DPP10: variants seen among roughly 807,000 people sequenced by gnomAD.
DPP10 encodes inactive dipeptidyl peptidase 10.
DPP10 carries 33 observed loss-of-function variants against 120.9 expected under a neutral mutation model. That is an observed-to-expected ratio of 0.27 (90% CI 0.21 to 0.37). DPP10 has a LOEUF of 0.37. Among genes scored for constraint, DPP10 ranks in the 10% least tolerant of loss-of-function variants. The pLI is 1.00. For synonymous variants in DPP10, 337 were observed against 326.1 expected (o/e 1.03, Z -0.36); for missense variants, 816 against 942.8 (o/e 0.87, Z 1.76).
chr2:115,378,074 T>C (rs1323106714), intron 3 of DPP10, among the ~76,000 whole-genome samples: 1 of 152,156 alleles, frequency 6.6e-6, no homozygotes, highest in Non-Finnish European at 1.5e-5. Context: ...AAGTAGTTTT[T>C]TCCAATTCTG....
In DPP10 at chr2:114,490,135, G is replaced by A. The variant is rs376252789; in HGVS notation, c.60+47297G>A. Among the ~76,000 whole-genome samples the A allele has an allele frequency of 5.9e-5, 9 of 152,214 alleles. No homozygotes were observed. The East Asian group carries it at 9.7e-4, about 16-fold the overall frequency. On this transcript the variant is annotated intron_variant, in intron 1 of 25. Coordinates refer to ENST00000410059, the MANE Select transcript of DPP10 (RefSeq NM_020868.6). ...GCACGGTAGGACCTATGTTTTCCTC[G>A]AAGGGTTAATTTCTCATTCTCTGGC... is the stretch of plus-strand genomic sequence containing the variant.
intron 3 of DPP10, among the ~76,000 whole-genome samples, chr2:115,466,305 C>T (rs2074322477): frequency 6.6e-6 from 1 of 152,084 alleles, no homozygotes; most frequent in Non-Finnish European, 1.5e-5. Flanking sequence ...TATCACAGAT[C>T]CCATAATTTG....
At chr2:114,468,714 G>A (rs1056545811) in intron 1 of DPP10, among the ~76,000 whole-genome samples, 1 of 152,132 alleles carries the variant, frequency 6.6e-6, no homozygotes, top group Non-Finnish European at 1.5e-5. Flanking sequence ...ACTGCATCTT[G>A]AATGCTGCTT....
At chr2:115,517,885 G>A (rs116521877) in intron 4 of DPP10, among the ~76,000 whole-genome samples, 25 of 152,254 alleles carry the variant, frequency 1.6e-4, no homozygotes, top group African/African-American at 5.8e-4. Flanking sequence ...GGTAATTTAC[G>A]TAAAAGATGT....
Position 115,843,555 on chromosome 2 carries a change from T to C in DPP10, c.*1210T>C, listed in dbSNP as rs1690358702. On this transcript the variant is annotated 3_prime_UTR_variant, in exon 26 of 26. Transcript: ENST00000410059. ...TCTGGTGAGAATTAGAAATGAAATA[T>C]TTTTTATTCATTGGCCAAAAAGTTC... 6.6e-6 allele frequency: 1 copy of C among 152,182 alleles called. No homozygotes were observed. Among genetic ancestry groups the C allele is most frequent in the South Asian group, 2.1e-4 (1 of 4,826 alleles). The allele number at this position is 152,182 out of a possible 1,614,324, so 9.4% of individuals were successfully genotyped here. A position where few individuals can be genotyped will look rare whatever the true frequency, so the allele number is the denominator to read the frequency against.
At chr2:114,743,459 A>G (rs1279728321) in intron 1 of DPP10, among the ~76,000 whole-genome samples, 1 of 151,910 alleles carries the variant, frequency 6.6e-6, no homozygotes, top group Non-Finnish European at 1.5e-5. Flanking sequence ...AAGAATATGG[A>G]TAAAGGCAGG....
chr2:115,329,893 A>G (rs983253707), intron 2 of DPP10, among the ~76,000 whole-genome samples: 1 of 152,128 alleles, frequency 6.6e-6, no homozygotes, highest in Non-Finnish European at 1.5e-5. Flanking sequence ...GCTGCAGTAA[A>G]CATATGTGTG....
chr2:115,306,524 T>C (rs1376646045), intron 1 of DPP10, among the ~76,000 whole-genome samples: 1 of 152,088 alleles, frequency 6.6e-6, no homozygotes, highest in East Asian at 1.9e-4. Flanking sequence ...CTTTAGCCAG[T>C]GTAGGGATGT....
chr2:115,256,053 C>G (rs2058972367), intron 1 of DPP10, among the ~76,000 whole-genome samples: 2 of 152,148 alleles, frequency 1.3e-5, no homozygotes, highest in African/African-American at 2.4e-5. Flanking sequence ...GTAGTTTGTT[C>G]TCATGCTGCT....
intron 11 of DPP10, among the ~76,000 whole-genome samples, chr2:115,759,570 G>A (rs1310383671): frequency 6.6e-6 from 1 of 152,024 alleles, no homozygotes; most frequent in Non-Finnish European, 1.5e-5. Flanking sequence ...TTGCAAGTGG[G>A]AATGTAAAAT....
At chr2:115,432,662 TG>T (rs770637149) in intron 3 of DPP10, among the ~76,000 whole-genome samples, 7,227 of 80,240 alleles carry the variant, frequency 0.09, 246 homozygotes, top group South Asian at 0.15. Context: ...GGCAATTTTG[TG>T]TGTGTGTGTG....
chr2:115,048,040 A>G (rs530048530), intron 1 of DPP10, among the ~76,000 whole-genome samples: 1 of 152,224 alleles, frequency 6.6e-6, no homozygotes, highest in African/African-American at 2.4e-5. Context: ...TGTTACATTA[A>G]ATGTTTTATT....
intron 1 of DPP10, among the ~76,000 whole-genome samples, chr2:115,019,975 T>C (rs1702951682): frequency 6.6e-6 from 1 of 152,146 alleles, no homozygotes; most frequent in South Asian, 2.1e-4. Context: ...TGAGAGAATT[T>C]CCCACTACCT....
At chr2:114,765,418 G>T (rs796888357) in intron 1 of DPP10, among the ~76,000 whole-genome samples, 36 of 152,162 alleles carry the variant, frequency 2.4e-4, no homozygotes, top group African/African-American at 8.4e-4. Context: ...ATTCACTCTT[G>T]CTCATTCATT....
chr2:115,043,843 A>G (rs1043562144), intron 1 of DPP10, among the ~76,000 whole-genome samples: 1 of 152,206 alleles, frequency 6.6e-6, no homozygotes, highest in Non-Finnish European at 1.5e-5. Context: ...GCGGTCAGTT[A>G]TATATTTTAA....
chr2:115,521,349 C>T (rs1378642995), intron 4 of DPP10, among the ~76,000 whole-genome samples: 1 of 152,118 alleles, frequency 6.6e-6, no homozygotes, highest in African/African-American at 2.4e-5. Flanking sequence ...AAAGATGAGG[C>T]TTTCTGGCAT....
intron 3 of DPP10, among the ~76,000 whole-genome samples, chr2:115,393,649 G>T (rs908319573): frequency 1.3e-5 from 2 of 152,226 alleles, no homozygotes; most frequent in Admixed American, 6.5e-5. Context: ...GAGAAGAAGA[G>T]AGAGAGCATT....
intron 3 of DPP10, among the ~76,000 whole-genome samples, chr2:115,446,978 T>C (rs1366945314): frequency 6.6e-6 from 1 of 152,158 alleles, no homozygotes; most frequent in Non-Finnish European, 1.5e-5. Context: ...GCTCTTGCTC[T>C]ATCACCATGA....
chr2:114,462,578 G>C (rs189278459), intron 1 of DPP10, among the ~76,000 whole-genome samples: 195 of 152,256 alleles, frequency 1.3e-3, no homozygotes, highest in African/African-American at 4.3e-3. Flanking sequence ...CTTCAGAAGG[G>C]ATATACTATT....
Sources: allele counts gnomAD v4.1 joint callset (sites outside exome capture counted in the v4.1 genomes callset), GRCh38; gene constraint gnomAD v4.1.1; transcripts MANE v1.5; gene names NCBI Gene and HGNC (gene_info 2026-07-23, HGNC 2026-07-21).